The following ATP2B2 variants were observed in gnomAD, a reference collection of about 807,000 sequenced individuals.
The protein encoded by ATP2B2 is plasma membrane calcium-transporting ATPase 2.
ATP2B2 carries 15 observed loss-of-function variants against 120.0 expected under a neutral mutation model. The observed-to-expected ratio is 0.12, with a 90% CI of 0.08 to 0.19. The LOEUF (loss-of-function observed/expected upper bound fraction) is 0.19. Ranked by LOEUF, ATP2B2 falls within the 10% of genes least tolerant of loss-of-function variation. The pLI is 1.00. For synonymous variants in ATP2B2, 694 were observed against 700.3 expected (o/e 0.99, Z 0.14); for missense variants, 1,045 against 1,719.8 (o/e 0.61, Z 6.94).
intron 6 of ATP2B2, 69 bp from the exon 7 acceptor site, chr3:10,386,581 GCACA>G: frequency 6.5e-7 from 1 of 1,530,094 alleles, no homozygotes; most frequent in South Asian, 1.1e-5. Context: ...ATGCGCACGC[GCACA>G]CACACAAACA....
chr3:10,564,786 CAT>C (rs1491436671), intron 2 of ATP2B2, among the ~76,000 whole-genome samples: 3 of 152,302 alleles, frequency 2.0e-5, no homozygotes, highest in African/African-American at 7.2e-5. Context: ...GACATGATCT[CAT>C]TTTTTTCTGA....
At chr3:10,490,124 C>T (rs1177938044) in intron 1 of ATP2B2, among the ~76,000 whole-genome samples, 1 of 152,236 alleles carries the variant, frequency 6.6e-6, no homozygotes, top group Non-Finnish European at 1.5e-5. Flanking sequence ...GCCAGGGCTT[C>T]CCCTGGGCTC....
intron 1 of ATP2B2, among the ~76,000 whole-genome samples, chr3:10,633,257 G>A (rs1172154357): frequency 6.6e-6 from 1 of 152,162 alleles, no homozygotes; most frequent in Non-Finnish European, 1.5e-5. Context: ...TAACACATAT[G>A]AGTGCTTCCA....
At chr3:10,428,661 G>A (rs2063216623) in intron 2 of ATP2B2, among the ~76,000 whole-genome samples, 2 of 152,206 alleles carry the variant, frequency 1.3e-5, no homozygotes, top group African/African-American at 4.8e-5. Flanking sequence ...ATTGAGTTCT[G>A]TGTAGCCTGA....
At chr3:10,330,643 T>C (rs114521152) in intron 22 of ATP2B2, among the ~76,000 whole-genome samples, 1,614 of 152,310 alleles carry the variant, frequency 0.011, 31 homozygotes, top group African/African-American at 0.038. Context: ...ACCACAGGCC[T>C]GCGGGGAGGC....
At chr3:10,678,363 G>A (rs953228348) in intron 1 of ATP2B2, among the ~76,000 whole-genome samples, 8 of 152,198 alleles carry the variant, frequency 5.3e-5, no homozygotes, top group Admixed American at 3.3e-4. Flanking sequence ...CTTTCTTGGC[G>A]TGAGAGATGT....
chr3:10,600,309 T>C (rs963700275), intron 2 of ATP2B2, among the ~76,000 whole-genome samples: 7 of 152,210 alleles, frequency 4.6e-5, no homozygotes, highest in Admixed American at 2.0e-4. Flanking sequence ...CCACACTGAG[T>C]AGTAACCCAT....
At chr3:10,599,693 G>A (rs1378453535) in intron 2 of ATP2B2, among the ~76,000 whole-genome samples, 2 of 151,476 alleles carry the variant, frequency 1.3e-5, no homozygotes, top group African/African-American at 2.4e-5. Flanking sequence ...TTGCCCCCAC[G>A]TATTACCTAA....
At chr3:10,358,015 CTAGGTGTACTGA>C (rs1174286654) in intron 14 of ATP2B2, among the ~76,000 whole-genome samples, 1 of 152,226 alleles carries the variant, frequency 6.6e-6, no homozygotes, top group Non-Finnish European at 1.5e-5. Context: ...GAGCACCCCA[CTAGGTGTACTGA>C]TAGGCATCGC....
intron 17 of ATP2B2, 97 bp from the exon 18 acceptor site, chr3:10,345,672 A>G (rs1276897010): frequency 2.5e-6 from 3 of 1,224,384 alleles, no homozygotes; most frequent in Non-Finnish European, 3.5e-6. Flanking sequence ...TCAGTCCTAC[A>G]CAACTCCCAG....
intron 1 of ATP2B2, among the ~76,000 whole-genome samples, chr3:10,631,096 T>C (rs1387274536): frequency 6.6e-6 from 1 of 152,234 alleles, no homozygotes; most frequent in African/African-American, 2.4e-5. Flanking sequence ...AGTTACTTAC[T>C]CTGTGTGTTT....
At chr3:10,458,220 G>A (rs754942151) in intron 1 of ATP2B2, among the ~76,000 whole-genome samples, 2 of 152,148 alleles carry the variant, frequency 1.3e-5, no homozygotes, top group East Asian at 1.9e-4. Flanking sequence ...GCCCTGCCCC[G>A]GGCACTGGGA....
At chr3:10,371,019 A>T (rs988319593) in intron 12 of ATP2B2, among the ~76,000 whole-genome samples, 4 of 152,186 alleles carry the variant, frequency 2.6e-5, no homozygotes, top group Admixed American at 6.5e-5. Context: ...AGCAACAACA[A>T]CATCATCAGT....
chr3:10,507,680 AT>A (rs2066673456), upstream of ATP2B2, among the ~76,000 whole-genome samples: 1 of 152,152 alleles, frequency 6.6e-6, no homozygotes, highest in Non-Finnish European at 1.5e-5. Context: ...TGAGCCACAC[AT>A]TTCAACAATC....
At chr3:10,341,910 A>G (rs1412243073) in intron 19 of ATP2B2, among the ~76,000 whole-genome samples, 1 of 152,234 alleles carries the variant, frequency 6.6e-6, no homozygotes, top group Non-Finnish European at 1.5e-5. Context: ...ACTGCCTTTG[A>G]GGAATGGATC....
intron 2 of ATP2B2, among the ~76,000 whole-genome samples, chr3:10,595,155 C>G (rs1452095736): frequency 6.6e-6 from 1 of 152,230 alleles, no homozygotes; most frequent in African/African-American, 2.4e-5. Flanking sequence ...CATAGGCCCA[C>G]ACTGGACAGA....
intron 1 of ATP2B2, among the ~76,000 whole-genome samples, chr3:10,696,637 C>A (rs2071745875): frequency 6.6e-6 from 1 of 152,236 alleles, no homozygotes; most frequent in Non-Finnish European, 1.5e-5. Context: ...ACAAAGGCAG[C>A]CCTGACACCC....
At position 10,356,155 on chromosome 3, in the gene ATP2B2, C is replaced by CGTGT. The variant is rs911717639; in HGVS notation, c.2136+2532_2136+2535dup. On this transcript the variant is annotated intron_variant, in intron 14 of 22. Transcript: ENST00000360273. ...TTGTCCTTTCCTTTGTGCGTGTGTG[C>CGTGT]GTGTGTGTGTGTGTGTGTGTGTGTG... 2.4e-3 allele frequency among the ~76,000 whole-genome samples: 64 copies of CGTGT among 26,530 alleles called. 12 individuals carry two copies. Among genetic ancestry groups the CGTGT allele is most frequent in the Admixed American group, 7.1e-3 (11 of 1,552 alleles). The allele number at this position is 26,530 out of a possible 152,430, so 17.4% of individuals were successfully genotyped here.
chr3:10,633,910 T>C (rs1228101485), intron 1 of ATP2B2, among the ~76,000 whole-genome samples: 2 of 152,206 alleles, frequency 1.3e-5, no homozygotes, highest in African/African-American at 2.4e-5. Flanking sequence ...CCTAGATTCC[T>C]TCCCAGCTAA....
Sources: gnomAD v4.1 joint callset for allele counts (sites outside exome capture counted in the v4.1 genomes callset) on GRCh38, gnomAD v4.1.1 for gene constraint, MANE v1.5 for transcripts, NCBI Gene and HGNC (gene_info 2026-07-23, HGNC 2026-07-21) for gene names.